The following INO80 variants were observed in gnomAD, a reference collection of about 807,000 sequenced individuals.
INO80 encodes chromatin-remodeling ATPase INO80.
A neutral mutation model predicts 203.4 loss-of-function variants in INO80; 20 were observed. That is an observed-to-expected ratio of 0.10 (90% CI 0.07 to 0.14). The LOEUF is 0.14. Among genes scored for constraint, INO80 ranks in the 10% least tolerant of loss-of-function variants. The pLI, the probability that INO80 is intolerant of heterozygous loss-of-function variation, is 1.00. For missense variants in INO80, 1,419 were observed against 1,914.4 expected (o/e 0.74, Z 4.83); for synonymous variants, 726 against 685.2 (o/e 1.06, Z -0.93).
intron 19 of INO80, among the ~76,000 whole-genome samples, chr15:41,053,067 C>A (rs1180127566): frequency 1.3e-5 from 2 of 152,062 alleles, no homozygotes; most frequent in African/African-American, 2.4e-5. Flanking sequence ...GAGAGACAGA[C>A]CATCCAAATG....
intron 18 of INO80, 65 bp from the exon 19 acceptor site, chr15:41,054,079 T>C: frequency 7.9e-7 from 1 of 1,272,012 alleles, no homozygotes; most frequent in Non-Finnish European, 1.1e-6. Flanking sequence ...CAGAAACAAA[T>C]ACCACATTCA....
At chr15:40,999,660 GATTAA>G (rs1319544347) in intron 28 of INO80, among the ~76,000 whole-genome samples, 1 of 152,204 alleles carries the variant, frequency 6.6e-6, no homozygotes, top group Non-Finnish European at 1.5e-5. Context: ...CCATCTTTAT[GATTAA>G]ATTGTGTAGT....
chr15:41,041,502 G>A (rs561523872), intron 24 of INO80, among the ~76,000 whole-genome samples: 12 of 150,198 alleles, frequency 8.0e-5, no homozygotes, highest in South Asian at 4.2e-4. Flanking sequence ...GTGTAATGGC[G>A]CGATCTTGGC....
chr15:41,016,078 C>T lies in INO80; in HGVS notation c.3402+10G>A. The stretch of plus-strand genomic sequence containing the variant: ...AAGGTATCCTAGGTCCCCAAGATTC[C>T]CTCTCCTACCTCCAGTAGGTCTATC... On this transcript the variant is annotated intron_variant, in intron 27 of 35. Coordinates refer to ENST00000648947, the MANE Select transcript of INO80 (RefSeq NM_017553.3). 6.2e-7 allele frequency: 1 copy of T among 1,607,846 alleles called. No homozygotes were observed. Among genetic ancestry groups the T allele is most frequent in the Non-Finnish European group, 8.5e-7 (1 of 1,176,242 alleles).
At chr15:41,040,836 T>C (rs766274509) in intron 24 of INO80, among the ~76,000 whole-genome samples, 1 of 149,300 alleles carries the variant, frequency 6.7e-6, no homozygotes, top group Non-Finnish European at 1.5e-5. Flanking sequence ...AGTTACAGAG[T>C]AGAAGATATT....
Position 41,005,808 on chromosome 15 carries a change from G to A in INO80, c.3403-121C>T, listed in dbSNP as rs1275192488. ...GGAGGCAAGCCATTATAACCAGAAT[G>A]GGGAGAGAGTAACCCCAAGAGTACA... On this transcript the variant is annotated intron_variant, in intron 27 of 35. Transcript: ENST00000648947. The A allele has an allele frequency of 5.5e-6, 3 of 549,596 alleles. No homozygotes were observed. The African/African-American group carries it at 5.8e-5, about 11-fold the overall frequency. 34.0% of individuals were successfully genotyped at this position (549,596 alleles called of 1,614,324 possible).
chr15:41,049,431 G>C lies in INO80; in HGVS notation c.2443-11C>G, dbSNP rs775573745. The C allele has an allele frequency of 2.5e-6, 4 of 1,613,386 alleles. No homozygotes were observed. The highest frequency in any genetic ancestry group is 2.5e-6 in the Non-Finnish European group (3 of 1,179,538). The stretch of plus-strand genomic sequence containing the variant: ...CGGGTGATTACACACCTAAAAGGAA[G>C]GGAAATGGTAAGACAATATTACCAC... On this transcript the variant is annotated splice_polypyrimidine_tract_variant and intron_variant, in intron 20 of 35. Transcript: ENST00000648947.
At chr15:41,053,641 T>C (rs796118981) in intron 19 of INO80, among the ~76,000 whole-genome samples, 43 of 152,200 alleles carry the variant, frequency 2.8e-4, no homozygotes, top group African/African-American at 1.0e-3. Flanking sequence ...AAGAGAGAGG[T>C]AGAGTTAATG....
At chr15:41,009,243 T>TA in intron 27 of INO80, among the ~76,000 whole-genome samples, 1 of 150,918 alleles carries the variant, frequency 6.6e-6, no homozygotes, top group African/African-American at 2.4e-5. Context: ...TTTTTTTTTT[T>TA]TATTATACTT....
Position 40,985,340 on chromosome 15 carries a change from T to G in INO80, c.3919A>C (p.Lys1307Gln). The change falls in exon 32 of 36, where the codon AAG (lysine) becomes CAG (glutamine). Residue 1307 changes from lysine to glutamine, a missense_variant and splice_region_variant. Around this residue, in one of 9 missense-constraint regions of INO80, gnomAD observed 214 missense variants for 248.9 expected, o/e 0.86. Transcript: ENST00000648947. ...RKRKREKYAE[K>Q]KKKEDELDGK... Reference sequence around the variant, plus strand: ...CCACCATTCCAGGCTGGAAATACCTTCTCTGCATACTTTTCCCGCTTCCGC... The same window carrying G: ...CCACCATTCCAGGCTGGAAATACCTGCTCTGCATACTTTTCCCGCTTCCGC... The G allele has an allele frequency of 6.2e-7, 1 of 1,613,000 alleles. No homozygotes were observed. Among genetic ancestry groups the G allele is most frequent in the Non-Finnish European group, 8.5e-7 (1 of 1,179,024 alleles).
intron 9 of INO80, among the ~76,000 whole-genome samples, chr15:41,079,491 G>A (rs143145426): frequency 2.3e-3 from 354 of 151,150 alleles, no homozygotes; most frequent in Middle Eastern, 0.017. Context: ...AATTTCTGAC[G>A]GTAGGAGATC....
At chr15:41,013,229 T>C (rs2044157860) in intron 27 of INO80, 1 of 152,220 alleles carries the variant, frequency 6.6e-6, no homozygotes, top group South Asian at 2.1e-4. Context: ...AGCATTTCTT[T>C]CTCTCTTTGA....
In INO80 at chr15:41,055,353, C is replaced by T. The variant is rs1250575395; in HGVS notation, c.2082G>A (p.Leu694=). ...ATAATGTTGGCATAATGAAATGCAG[C>T]AGAGCCCAAAGCTGTAAACAAAGAC... ...IQNTMAELWA[L]LHFIMPTLFD... is the part of the protein sequence containing the mutation. Residue 694 remains leucine (L), a synonymous_variant, in exon 18 of 36, where the codon CTG becomes CTA. Transcript: ENST00000648947. 3.7e-6 allele frequency: 6 copies of T among 1,608,402 alleles called. No individual in the cohort carries two copies. The East Asian group carries it at 1.3e-4, about 36-fold the overall frequency.
intron 16 of INO80, among the ~76,000 whole-genome samples, chr15:41,057,678 T>C (rs2045013657): frequency 6.7e-6 from 1 of 149,284 alleles, no homozygotes; most frequent in Non-Finnish European, 1.5e-5. Context: ...GCACTTGTAA[T>C]CCCAGCTACT....
intron 14 of INO80, among the ~76,000 whole-genome samples, chr15:41,064,923 G>A (rs2045182733): frequency 6.6e-6 from 1 of 151,974 alleles, no homozygotes; most frequent in Non-Finnish European, 1.5e-5. Flanking sequence ...CTTGAACCCG[G>A]AGGAGGCAGA....
chr15:41,105,062 T>C (rs984777516), intron 1 of INO80, among the ~76,000 whole-genome samples: 4 of 152,272 alleles, frequency 2.6e-5, no homozygotes, highest in Non-Finnish European at 5.9e-5. Context: ...CAAATAAGCA[T>C]GAGTTGAACT....
At chr15:41,066,066 C>T (rs1307488673) in intron 14 of INO80, among the ~76,000 whole-genome samples, 1 of 151,106 alleles carries the variant, frequency 6.6e-6, no homozygotes, top group Non-Finnish European at 1.5e-5. Context: ...ACAACCTCTG[C>T]CTCCTGGGTT....
intron 26 of INO80, among the ~76,000 whole-genome samples, chr15:41,019,099 T>C (rs1164521775): frequency 6.6e-6 from 1 of 152,162 alleles, no homozygotes; most frequent in Non-Finnish European, 1.5e-5. Context: ...GGGCAAAAGA[T>C]TAAATAATAT....
intron 28 of INO80, among the ~76,000 whole-genome samples, chr15:41,000,625 G>GTCAAGGATGCAGTGAGT (rs1366731403): frequency 6.7e-6 from 1 of 149,028 alleles, no homozygotes; most frequent in East Asian, 2.0e-4. Context: ...AGCCTGGGAG[G>GTCAAGGATGCAGTGAGT]TCAAGGATGC....
Sources: allele counts gnomAD v4.1 joint callset (sites outside exome capture counted in the v4.1 genomes callset), GRCh38; gene constraint gnomAD v4.1.1; regional missense constraint gnomAD v4.1.1; transcripts MANE v1.5; gene names NCBI Gene and HGNC (gene_info 2026-07-23, HGNC 2026-07-21).